RABGAP1L: variants seen among roughly 807,000 people sequenced by gnomAD.
The protein encoded by RABGAP1L is rab GTPase-activating protein 1-like.
Under a neutral mutation model 137.7 loss-of-function variants are expected in RABGAP1L, and 63 were observed. The ratio of observed to expected loss-of-function variants is 0.46; its 90% confidence interval spans 0.37 to 0.56. RABGAP1L has a LOEUF of 0.56. Ranked by LOEUF, RABGAP1L falls within the 20% of genes least tolerant of loss-of-function variation. The probability of loss-of-function intolerance (pLI) is 0.00; values close to 1 mark genes in which losing one functional copy is unlikely to be tolerated. For missense variants in RABGAP1L, 1,095 were observed against 1,244.0 expected (o/e 0.88, Z 1.80); for synonymous variants, 431 against 433.7 (o/e 0.99, Z 0.08).
chr1:174,726,784 G>A (rs1008046368), intron 17 of RABGAP1L, among the ~76,000 whole-genome samples: 1 of 152,056 alleles, frequency 6.6e-6, no homozygotes, highest in Non-Finnish European at 1.5e-5. Context: ...AAAGAAAAAT[G>A]TCAAAATACA....
At chr1:174,532,670 C>CA (rs1292675404) in intron 13 of RABGAP1L, among the ~76,000 whole-genome samples, 1 of 151,986 alleles carries the variant, frequency 6.6e-6, no homozygotes, top group African/African-American at 2.4e-5. Context: ...AATGGAAAGA[C>CA]AATACTATAT....
At chr1:174,172,163 G>C (rs1053551274) in intron 1 of RABGAP1L, among the ~76,000 whole-genome samples, 8 of 136,832 alleles carry the variant, frequency 5.8e-5, no homozygotes, top group Admixed American at 3.8e-4. Flanking sequence ...TTTTAAGGCT[G>C]AATAATATTC....
At chr1:174,304,073 G>A (rs1195273599) in intron 10 of RABGAP1L, among the ~76,000 whole-genome samples, 1 of 152,054 alleles carries the variant, frequency 6.6e-6, no homozygotes, top group African/African-American at 2.4e-5. Flanking sequence ...TCTTTATCAG[G>A]TTGAGGAAAC....
chr1:174,392,796 TCTATGA>T (rs941699039), intron 12 of RABGAP1L, among the ~76,000 whole-genome samples: 29 of 152,184 alleles, frequency 1.9e-4, no homozygotes, highest in African/African-American at 6.7e-4. Context: ...ACATGTGGAT[TCTATGA>T]CTTTCGAGGC....
chr1:174,412,821 GA>G (rs958838572), intron 13 of RABGAP1L, among the ~76,000 whole-genome samples: 11 of 152,110 alleles, frequency 7.2e-5, no homozygotes, highest in African/African-American at 2.7e-4. Context: ...TGTTTCTGAT[GA>G]AAAGTCCACT....
At chr1:174,230,427 A>G (rs1016775260) in intron 3 of RABGAP1L, among the ~76,000 whole-genome samples, 1 of 152,200 alleles carries the variant, frequency 6.6e-6, no homozygotes, top group African/African-American at 2.4e-5. Flanking sequence ...AAGGAAGTCA[A>G]TTATGCATTC....
intron 13 of RABGAP1L, among the ~76,000 whole-genome samples, chr1:174,435,298 G>A (rs1286001260): frequency 6.6e-6 from 1 of 152,158 alleles, no homozygotes; most frequent in Non-Finnish European, 1.5e-5. Context: ...GATTATAAGT[G>A]TGAGCCACTG....
chr1:174,518,287 A>G (rs182738497), intron 13 of RABGAP1L, among the ~76,000 whole-genome samples: 55 of 152,202 alleles, frequency 3.6e-4, no homozygotes, highest in African/African-American at 1.1e-3. Flanking sequence ...CTCCCTCAGT[A>G]TCTAGGGGGG....
intron 13 of RABGAP1L, among the ~76,000 whole-genome samples, chr1:174,486,053 C>G (rs1217587024): frequency 6.6e-6 from 1 of 151,920 alleles, no homozygotes; most frequent in Non-Finnish European, 1.5e-5. Flanking sequence ...CTTCCTTGTT[C>G]ACTCTTGGTA....
At chr1:174,664,984 G>A (rs1211841734) in intron 14 of RABGAP1L, among the ~76,000 whole-genome samples, 1 of 152,002 alleles carries the variant, frequency 6.6e-6, no homozygotes, top group African/African-American at 2.4e-5. Flanking sequence ...TGATCCGTTC[G>A]CCTCAGCTTC....
chr1:174,816,970 C>G (rs1690495118), intron 19 of RABGAP1L, among the ~76,000 whole-genome samples: 1 of 152,102 alleles, frequency 6.6e-6, no homozygotes, highest in Non-Finnish European at 1.5e-5. Flanking sequence ...ATCTCATGAT[C>G]CACCCACCTT....
rs375565407 is a variant in RABGAP1L at position 174,843,096 on chromosome 1, C to A, written c.2340+31136C>A. The stretch of plus-strand genomic sequence containing the variant: ...TAAAATAAATCCTCGATACTTCTTA[C>A]TCCCTGGAGTAGTAATTTTAATTAG... On this transcript the variant is annotated intron_variant, in intron 19 of 25. Transcript: ENST00000681986. 4.3e-4 allele frequency among the ~76,000 whole-genome samples: 65 copies of A among 152,208 alleles called. No individual in the cohort carries two copies. In the Middle Eastern group the frequency reaches 0.01, roughly 24 times the overall value.
intron 18 of RABGAP1L, among the ~76,000 whole-genome samples, chr1:174,799,384 G>T (rs61828088): frequency 6.6e-6 from 1 of 151,974 alleles, no homozygotes; most frequent in Non-Finnish European, 1.5e-5. Flanking sequence ...CTTCTGTAGC[G>T]GTTTCAGTCA....
intron 14 of RABGAP1L, among the ~76,000 whole-genome samples, chr1:174,646,139 A>G (rs1292956682): frequency 6.6e-6 from 1 of 152,132 alleles, no homozygotes; most frequent in Non-Finnish European, 1.5e-5. Context: ...TAGATTGCAA[A>G]AATTTTCTCC....
At chr1:174,334,109 G>A (rs1039546797) in intron 11 of RABGAP1L, among the ~76,000 whole-genome samples, 1 of 152,204 alleles carries the variant, frequency 6.6e-6, no homozygotes, top group South Asian at 2.1e-4. Context: ...ATGCAGACAT[G>A]TTTCCAGAAT....
At chr1:174,759,331 A>G (rs1685028675) in intron 18 of RABGAP1L, among the ~76,000 whole-genome samples, 2 of 150,762 alleles carry the variant, frequency 1.3e-5, no homozygotes, top group Admixed American at 6.6e-5. Context: ...ACATTGGCTC[A>G]TGCCTGTAAT....
intron 13 of RABGAP1L, among the ~76,000 whole-genome samples, chr1:174,529,533 G>A (rs1472535099): frequency 6.6e-6 from 1 of 152,134 alleles, no homozygotes; most frequent in Non-Finnish European, 1.5e-5. Flanking sequence ...AGTGGTGGCA[G>A]TGGTAGGTTT....
Position 174,251,489 on chromosome 1 carries a change from C to T in RABGAP1L, c.875+857C>T, listed in dbSNP as rs540664996. The stretch of plus-strand genomic sequence containing the variant: ...GTGCCTTTAATTCTAAGAGTAGTTG[C>T]TAGCTAGGTATTTTATCTGTAGTTT... On this transcript the variant is annotated intron_variant, in intron 6 of 25. Coordinates refer to ENST00000681986, the MANE Select transcript of RABGAP1L (RefSeq NM_001366446.1). 2.0e-5 allele frequency among the ~76,000 whole-genome samples: 3 copies of T among 152,082 alleles called. No individual in the cohort carries two copies. In the South Asian group the frequency reaches 6.2e-4, roughly 32 times the overall value.
chr1:174,221,289 A>G, intron 3 of RABGAP1L, 125 bp downstream of exon 3: 2 of 758,638 alleles, frequency 2.6e-6, no homozygotes, highest in Non-Finnish European at 4.1e-6. Context: ...GAGAGTTTCC[A>G]CTTCGGTGTT....
Sources: gnomAD v4.1 joint callset for allele counts (sites outside exome capture counted in the v4.1 genomes callset) on GRCh38, gnomAD v4.1.1 for gene constraint, MANE v1.5 for transcripts, NCBI Gene and HGNC (gene_info 2026-07-23, HGNC 2026-07-21) for gene names.